The following PCDHGB5 variants were observed in gnomAD, a reference collection of about 807,000 sequenced individuals.
PCDHGB5 encodes the protein protocadherin gamma-B5.
PCDHGB5 carries 48 observed loss-of-function variants against 62.9 expected under a neutral mutation model. The observed-to-expected ratio is 0.76, with a 90% CI of 0.61 to 0.97. The LOEUF (loss-of-function observed/expected upper bound fraction) is 0.97. Among genes scored for constraint, PCDHGB5 ranks in the 50% least tolerant of loss-of-function variants. The pLI, the probability that PCDHGB5 is intolerant of heterozygous loss-of-function variation, is 0.00. For missense variants in PCDHGB5, 1,118 were observed against 1,198.6 expected (o/e 0.93, Z 0.99); for synonymous variants, 474 against 511.2 (o/e 0.93, Z 0.98).
chr5:141,437,346 T>C (rs143931647), intron 1 of PCDHGB5, among the ~76,000 whole-genome samples: 2 of 152,380 alleles, frequency 1.3e-5, no homozygotes, highest in East Asian at 3.9e-4. Flanking sequence ...CACTGTTTTA[T>C]AGTACCTAAA....
chr5:141,402,937 C>A, intron 1 of PCDHGB5: 2 of 1,588,498 alleles, frequency 1.3e-6, no homozygotes, highest in Non-Finnish European at 1.7e-6. Flanking sequence ...TGAGAAAATT[C>A]CAAAGCGAGG....
At chr5:141,435,103 G>A (rs1468698388) in intron 1 of PCDHGB5, among the ~76,000 whole-genome samples, 2 of 151,914 alleles carry the variant, frequency 1.3e-5, no homozygotes, top group African/African-American at 2.4e-5. Flanking sequence ...TTTATCTAGG[G>A]GGGAGAAATC....
intron 3 of PCDHGB5, chr5:141,508,127 G>A (rs1220643878): frequency 6.6e-6 from 1 of 152,628 alleles, no homozygotes; most frequent in Non-Finnish European, 1.5e-5. Context: ...ACAGAGGGAG[G>A]TCAGGGAGCT....
At chr5:141,417,673 C>G in intron 1 of PCDHGB5, 3 of 970,368 alleles carry the variant, frequency 3.1e-6, no homozygotes, top group Non-Finnish European at 2.9e-6. Context: ...CCTGCGCAGC[C>G]AACAACAGAA....
At chr5:141,474,087 A>C (rs1483673747) in intron 1 of PCDHGB5, among the ~76,000 whole-genome samples, 4 of 152,198 alleles carry the variant, frequency 2.6e-5, no homozygotes, top group South Asian at 2.1e-4. Context: ...AAAACCAAAA[A>C]ACAAACAACA....
intron 1 of PCDHGB5, among the ~76,000 whole-genome samples, chr5:141,436,720 A>G (rs1337926057): frequency 1.5e-4 from 23 of 152,216 alleles, no homozygotes; most frequent in Non-Finnish European, 3.4e-4. Context: ...TCTGTTGGGA[A>G]AAATAATAAT....
At chr5:141,504,240 G>A (rs1275204117) in intron 2 of PCDHGB5, among the ~76,000 whole-genome samples, 1 of 152,182 alleles carries the variant, frequency 6.6e-6, no homozygotes, top group Non-Finnish European at 1.5e-5. Context: ...AAGAAGCAGA[G>A]AGTTCTTCTT....
Position 141,476,996 on chromosome 5 carries a change from C to T in PCDHGB5, c.2398-17811C>T. The T allele has an allele frequency of 6.2e-7, 1 of 1,614,250 alleles. No homozygotes were observed. Among genetic ancestry groups the T allele is most frequent in the Non-Finnish European group, 8.5e-7 (1 of 1,180,052 alleles). On this transcript the variant is annotated intron_variant, in intron 1 of 3. Coordinates refer to ENST00000617380, the MANE Select transcript of PCDHGB5 (RefSeq NM_018925.3). The surrounding 1 kb of genome is among the most constrained non-coding windows in gnomAD (Gnocchi z 7.6). ...CCACAACCGCGCCGGCGTGCGGCAA[C>T]TATTCGCCTTAGACCTTGTAACCGG...
At chr5:141,437,312 G>T (rs2097875410) in intron 1 of PCDHGB5, among the ~76,000 whole-genome samples, 1 of 152,176 alleles carries the variant, frequency 6.6e-6, no homozygotes, top group South Asian at 2.1e-4. Context: ...AAAGCGTTCA[G>T]CTATAATTTA....
Position 141,412,905 on chromosome 5 carries a change from A to G in PCDHGB5, c.2397+12381A>G, listed in dbSNP as rs145108034. The stretch of plus-strand genomic sequence containing the variant: ...AACAGAATAGTTTACTTTCCATTGC[A>G]TGTATCACTTGGGTGCAGTAACTTC... On this transcript the variant is annotated intron_variant, in intron 1 of 3. Coordinates refer to ENST00000617380, the MANE Select transcript of PCDHGB5 (RefSeq NM_018925.3). 1.3e-3 allele frequency: 513 copies of G among 382,556 alleles called. 6 individuals are homozygous for G. The East Asian group carries it at 0.015, about 11-fold the overall frequency. 23.7% of individuals were successfully genotyped at this position (382,556 alleles called of 1,614,324 possible).
intron 1 of PCDHGB5, among the ~76,000 whole-genome samples, chr5:141,461,248 C>A (rs1209563726): frequency 6.6e-6 from 1 of 152,038 alleles, no homozygotes; most frequent in Non-Finnish European, 1.5e-5. Context: ...AATTTATATT[C>A]CCAGCAGCAA....
chr5:141,484,716 G>C (rs1375103858), intron 1 of PCDHGB5, among the ~76,000 whole-genome samples: 1 of 152,030 alleles, frequency 6.6e-6, no homozygotes, highest in African/African-American at 2.4e-5. Context: ...CGCCGAAAAG[G>C]GGCGGGGTCA....
rs1243327893 is a variant in PCDHGB5, at chr5:141,491,671, C to G, written c.2398-3136C>G. 1 of 1,613,484 alleles carries G rather than the reference C, an allele frequency of 6.2e-7. No homozygotes were observed. Among genetic ancestry groups the G allele is most frequent in the Admixed American group, 1.7e-5 (1 of 60,034 alleles). On this transcript the variant is annotated intron_variant, in intron 1 of 3. Transcript: ENST00000617380. This position sits in a 1 kb window ranked among gnomAD's most constrained non-coding sequence, Gnocchi z 6.9. ...GCTGGAGCCTGACGCCATCCGGTCC[C>G]GCTCTAATACGCTGCGGGAGCGGAG...
chr5:141,474,819 G>A (rs1180279468), intron 1 of PCDHGB5, among the ~76,000 whole-genome samples: 1 of 152,190 alleles, frequency 6.6e-6, no homozygotes, highest in Non-Finnish European at 1.5e-5. Flanking sequence ...CATTAATTGA[G>A]GCTTACTCTG....
rs2099403992 is a variant in PCDHGB5, at chr5:141,477,030, C to T, written c.2398-17777C>T. On this transcript the variant is annotated intron_variant, in intron 1 of 3. Transcript: ENST00000617380. This position sits in a 1 kb window ranked among gnomAD's most constrained non-coding sequence, Gnocchi z 4.9. ...TTAGACCTTGTAACCGGGATGCTGACAATCAAGGGTCGGCTGGACTTCGAG... is the reference window on the plus strand; with the variant it reads ...TTAGACCTTGTAACCGGGATGCTGATAATCAAGGGTCGGCTGGACTTCGAG... The T allele has an allele frequency of 1.2e-6, 2 of 1,614,272 alleles. No homozygotes were observed. The highest frequency in any genetic ancestry group is 1.6e-4 in the Middle Eastern group (1 of 6,062).
chr5:141,408,313 T>C, intron 1 of PCDHGB5: 1 of 1,613,758 alleles, frequency 6.2e-7, no homozygotes, highest in South Asian at 1.1e-5. Context: ...GCTACTCGAT[T>C]CCGGAGGAGC....
rs772195653 is a variant in PCDHGB5 at position 141,477,704 on chromosome 5, C to A, written c.2398-17103C>A. On this transcript the variant is annotated intron_variant, in intron 1 of 3. Transcript: ENST00000617380. The surrounding 1 kb of genome is among the most constrained non-coding windows in gnomAD (Gnocchi z 4.9). ...CTTAGTGCCCCTAGACTATGAGGAT[C>A]GGCGGGAATTTGAATTAACAGCTCA... The A allele has an allele frequency of 5.0e-6, 8 of 1,613,850 alleles. No individual in the cohort carries two copies. Among genetic ancestry groups the A allele is most frequent in the Non-Finnish European group, 5.9e-6 (7 of 1,180,046 alleles).
rs759356451 is a variant in PCDHGB5, at chr5:141,476,397, G to C, written c.2398-18410G>C. On this transcript the variant is annotated intron_variant, in intron 1 of 3. Transcript: ENST00000617380. The surrounding 1 kb of genome is among the most constrained non-coding windows in gnomAD (Gnocchi z 7.6). ...ATGTTTGTGAACGACCGTCTGGATC[G>C]AGAGGAGCTGTGTGGGACACTGCCC... The C allele has an allele frequency of 6.2e-7, 1 of 1,614,142 alleles. No individual in the cohort carries two copies. The highest frequency in any genetic ancestry group is 8.5e-7 in the Non-Finnish European group (1 of 1,180,036).
chr5:141,491,507 C>A lies in PCDHGB5; in HGVS notation c.2398-3300C>A, dbSNP rs755899622. 1.9e-6 allele frequency: 3 copies of A among 1,614,038 alleles called. No individual in the cohort carries two copies. The highest frequency in any genetic ancestry group is 1.6e-4 in the Middle Eastern group (1 of 6,062). Reference sequence around the variant, plus strand: ...AACCTGCAGGTGAGCTCGGACGGCACGCTCAAGTACATGGAGGTGACGCTG... The same window carrying A: ...AACCTGCAGGTGAGCTCGGACGGCAAGCTCAAGTACATGGAGGTGACGCTG... On this transcript the variant is annotated intron_variant, in intron 1 of 3. Transcript: ENST00000617380. The surrounding 1 kb of genome is among the most constrained non-coding windows in gnomAD (Gnocchi z 6.9).
Sources: gnomAD v4.1 joint callset for allele counts (sites outside exome capture counted in the v4.1 genomes callset) on GRCh38, gnomAD v4.1.1 for gene constraint, Gnocchi (gnomAD v3.1) non-coding constraint, MANE v1.5 for transcripts, NCBI Gene and HGNC (gene_info 2026-07-23, HGNC 2026-07-21) for gene names.